Variants in ATRNL1 observed in about 807,000 individuals in gnomAD.
ATRNL1 encodes the protein attractin like 1.
A neutral mutation model predicts 182.7 loss-of-function variants in ATRNL1; 95 were observed. The observed-to-expected ratio is 0.52, with a 90% confidence interval of 0.44 to 0.62. The LOEUF (loss-of-function observed/expected upper bound fraction) is 0.62, where lower values mean the gene tolerates loss of function less well. Ranked by LOEUF, ATRNL1 falls within the 20% of genes least tolerant of loss-of-function variation. ATRNL1 has a pLI of 0.00. For missense variants in ATRNL1, 1,471 were observed against 1,679.5 expected, an observed-to-expected ratio of 0.88 and a Z score of 2.17; for synonymous variants, 576 against 568.3, an observed-to-expected ratio of 1.01 and a Z score of -0.19.
At chr10:115,189,270 A>G (rs757369856) in intron 8 of ATRNL1, among the ~76,000 whole-genome samples, 3 of 151,514 alleles carry the variant, frequency 2.0e-5, no homozygotes, top group Admixed American at 6.6e-5. Flanking sequence ...GATGCTGATA[A>G]TAAACAACTA....
intron 25 of ATRNL1, among the ~76,000 whole-genome samples, chr10:115,534,747 G>C (rs1195449592): frequency 2.0e-5 from 3 of 151,504 alleles, no homozygotes; most frequent in South Asian, 2.1e-4. Flanking sequence ...GCTGGTACCG[G>C]TTGTTCCTTT....
chr10:115,630,574 A>T lies in ATRNL1; in HGVS notation c.3795+81038A>T, dbSNP rs373603413. 2.5e-4 allele frequency among the ~76,000 whole-genome samples: 38 copies of T among 151,704 alleles called. 1 individual carries two copies. The South Asian group carries it at 7.7e-3, about 31-fold the overall frequency. On this transcript the variant is annotated intron_variant, in intron 26 of 28. Transcript: ENST00000355044. ...ACATCTGCACTCCCATTACAGCATT[A>T]TTCATAATAGTCAAAATATGCAAAC...
At chr10:115,103,612 G>A (rs1314974244) in intron 1 of ATRNL1, among the ~76,000 whole-genome samples, 1 of 152,044 alleles carries the variant, frequency 6.6e-6, no homozygotes, top group Non-Finnish European at 1.5e-5. Flanking sequence ...ATTACCTCAA[G>A]CATTTATCCT....
chr10:115,541,038 G>C (rs1852331461), intron 25 of ATRNL1, among the ~76,000 whole-genome samples: 1 of 152,006 alleles, frequency 6.6e-6, no homozygotes, highest in African/African-American at 2.4e-5. Context: ...TCTTAAAGAG[G>C]ACACATAAAA....
At chr10:115,530,660 G>T (rs1246997662) in intron 25 of ATRNL1, among the ~76,000 whole-genome samples, 1 of 151,808 alleles carries the variant, frequency 6.6e-6, no homozygotes, top group Non-Finnish European at 1.5e-5. Flanking sequence ...TAAGTTTTAG[G>T]GTACACGTGC....
At chr10:115,530,024 T>C (rs1554987745) in intron 25 of ATRNL1, among the ~76,000 whole-genome samples, 1 of 152,194 alleles carries the variant, frequency 6.6e-6, no homozygotes. Context: ...ATTAGCACAA[T>C]GTTTCTTATC....
At chr10:115,823,372 C>A (rs985112377) in intron 27 of ATRNL1, among the ~76,000 whole-genome samples, 1 of 152,132 alleles carries the variant, frequency 6.6e-6, no homozygotes, top group African/African-American at 2.4e-5. Flanking sequence ...TGGCACAAGA[C>A]AAGGATGCCT....
intron 26 of ATRNL1, among the ~76,000 whole-genome samples, chr10:115,613,086 T>G (rs74161603): frequency 0.02 from 3,024 of 152,310 alleles, 98 homozygotes; most frequent in African/African-American, 0.069. Context: ...ACAAGTATGT[T>G]TGAAAACCCT....
chr10:115,701,247 A>G (rs1382349840), intron 26 of ATRNL1, among the ~76,000 whole-genome samples: 5 of 152,030 alleles, frequency 3.3e-5, no homozygotes, highest in African/African-American at 1.2e-4. Context: ...TCAAAAAATT[A>G]TTGGAAATAA....
At chr10:115,198,941 C>T (rs1329197162) in intron 8 of ATRNL1, among the ~76,000 whole-genome samples, 2 of 151,934 alleles carry the variant, frequency 1.3e-5, no homozygotes, top group African/African-American at 4.8e-5. Flanking sequence ...TAATGGGAGG[C>T]CTCTGGATTT....
At chr10:115,497,735 G>T (rs931262888) in intron 24 of ATRNL1, among the ~76,000 whole-genome samples, 1 of 151,138 alleles carries the variant, frequency 6.6e-6, no homozygotes, top group East Asian at 1.9e-4. Context: ...TCGGCTCACC[G>T]CAACCTCTGA....
intron 8 of ATRNL1, among the ~76,000 whole-genome samples, chr10:115,178,176 C>T (rs1238938440): frequency 6.6e-6 from 1 of 152,036 alleles, no homozygotes. Flanking sequence ...TCCCAAAGTG[C>T]TGGGACTACA....
At chr10:115,298,497 A>C (rs1206474099) in intron 15 of ATRNL1, among the ~76,000 whole-genome samples, 1 of 152,086 alleles carries the variant, frequency 6.6e-6, no homozygotes, top group Admixed American at 6.6e-5. Flanking sequence ...TTGACTATAG[A>C]TAGTTCAGGG....
At chr10:115,387,686 A>G (rs2134253480) in intron 19 of ATRNL1, among the ~76,000 whole-genome samples, 1 of 152,350 alleles carries the variant, frequency 6.6e-6, no homozygotes, top group East Asian at 1.9e-4. Flanking sequence ...TGAATCATGT[A>G]ATATGTAATC....
intron 5 of ATRNL1, among the ~76,000 whole-genome samples, chr10:115,159,084 T>C (rs1554882688): frequency 6.6e-6 from 1 of 151,748 alleles, no homozygotes; most frequent in East Asian, 1.9e-4. Flanking sequence ...AATATCATTT[T>C]TAACTTGGGA....
At chr10:115,844,522 T>C (rs1252574821) in intron 27 of ATRNL1, among the ~76,000 whole-genome samples, 1 of 152,228 alleles carries the variant, frequency 6.6e-6, no homozygotes, top group Admixed American at 6.6e-5. Context: ...AACATTTTTT[T>C]CTGTTTGTAA....
At chr10:115,568,213 T>C (rs2804175) in intron 26 of ATRNL1, among the ~76,000 whole-genome samples, 147,925 of 152,136 alleles carry the variant, frequency 0.97, 72,078 homozygotes, top group East Asian at 1. Context: ...CATAGTGATA[T>C]GTGTTATTTC....
intron 27 of ATRNL1, among the ~76,000 whole-genome samples, chr10:115,759,083 TA>T (rs1324165545): frequency 6.6e-6 from 1 of 152,174 alleles, no homozygotes; most frequent in African/African-American, 2.4e-5. Flanking sequence ...TATAGAGCAA[TA>T]AAAGGAGCTC....
At chr10:115,580,302 C>A (rs1044000955) in intron 26 of ATRNL1, among the ~76,000 whole-genome samples, 1 of 152,084 alleles carries the variant, frequency 6.6e-6, no homozygotes, top group South Asian at 2.1e-4. Context: ...TGGTGATAAA[C>A]TTCCTCAGCT....
Sources: gnomAD v4.1 joint callset for allele counts (sites outside exome capture counted in the v4.1 genomes callset) on GRCh38, gnomAD v4.1.1 for gene constraint, MANE v1.5 for transcripts, NCBI Gene and HGNC (gene_info 2026-07-23, HGNC 2026-07-21) for gene names.